The following NUDCD3 variants were observed in gnomAD, a reference collection of about 807,000 sequenced individuals.
The protein encoded by NUDCD3 is nudC domain-containing protein 3.
In NUDCD3, 13 loss-of-function variants were observed where a neutral mutation model predicts 39.7. The ratio of observed to expected loss-of-function variants is 0.33; its 90% CI spans 0.21 to 0.52. The LOEUF (loss-of-function observed/expected upper bound fraction) is 0.52. Among genes scored for constraint, NUDCD3 ranks in the 20% least tolerant of loss-of-function variants. The pLI, the probability that NUDCD3 is intolerant of heterozygous loss-of-function variation, is 0.96. For synonymous variants in NUDCD3, 175 were observed against 172.4 expected, an observed-to-expected ratio of 1.02 and a Z score of -0.12; for missense variants, 453 against 458.1, an observed-to-expected ratio of 0.99 and a Z score of 0.10.
intron 4 of NUDCD3, among the ~76,000 whole-genome samples, chr7:44,400,667 T>C (rs1487322845): frequency 6.6e-6 from 1 of 152,198 alleles, no homozygotes; most frequent in Non-Finnish European, 1.5e-5. Flanking sequence ...AGTAGGGCCA[T>C]GCTCCTGCAG....
intron 2 of NUDCD3, chr7:44,468,194 G>T (rs372669205): frequency 6.2e-7 from 1 of 1,600,604 alleles, no homozygotes; most frequent in Admixed American, 1.7e-5. Flanking sequence ...TGCCGAGATC[G>T]CTCACAATGT....
rs1798313600 is a variant in NUDCD3 at position 44,382,012 on chromosome 7, C to T, written c.*3999G>A. On this transcript the variant is annotated 3_prime_UTR_variant, in exon 6 of 6. Coordinates refer to ENST00000355451, the MANE Select transcript of NUDCD3 (RefSeq NM_015332.4). ...GGGTAGCCGGGCCTGACCTCTCTTCCCTGGCACGATGCTGTCTCCCTGTGC... is the reference window on the plus strand; with the variant it reads ...GGGTAGCCGGGCCTGACCTCTCTTCTCTGGCACGATGCTGTCTCCCTGTGC... The T allele has an allele frequency of 6.6e-6, 1 of 152,202 alleles. No individual in the cohort carries two copies. The highest frequency in any genetic ancestry group is 2.1e-4 in the South Asian group (1 of 4,826). The allele number at this position is 152,202 out of a possible 1,614,324, so 9.4% of individuals were successfully genotyped here.
At chr7:44,407,579 A>C (rs1370871664) in intron 3 of NUDCD3, among the ~76,000 whole-genome samples, 3 of 151,552 alleles carry the variant, frequency 2.0e-5, no homozygotes, top group Non-Finnish European at 4.4e-5. Context: ...AAAAAAAAAA[A>C]AAAAAAACTA....
chr7:44,390,886 G>T (rs1798502062), intron 5 of NUDCD3, among the ~76,000 whole-genome samples: 1 of 152,170 alleles, frequency 6.6e-6, no homozygotes, highest in African/African-American at 2.4e-5. Flanking sequence ...GAGCTCAGCT[G>T]AGCAGGTGCT....
At chr7:44,480,622 A>G (rs1478823292) in intron 2 of NUDCD3, among the ~76,000 whole-genome samples, 1 of 152,182 alleles carries the variant, frequency 6.6e-6, no homozygotes, top group South Asian at 2.1e-4. Flanking sequence ...AATATTTACC[A>G]AAATATTTGC....
intron 4 of NUDCD3, among the ~76,000 whole-genome samples, chr7:44,401,363 T>C (rs1033857180): frequency 2.6e-5 from 4 of 152,226 alleles, no homozygotes; most frequent in African/African-American, 9.6e-5. Context: ...AATAATTATA[T>C]CAAGAAGACA....
intron 2 of NUDCD3, among the ~76,000 whole-genome samples, chr7:44,469,837 T>C (rs78629889): frequency 7.5e-6 from 1 of 134,020 alleles, no homozygotes; most frequent in Non-Finnish European, 1.6e-5. Context: ...AAAAAAAAAA[T>C]GGCAATGAAG....
intron 2 of NUDCD3, chr7:44,468,348 G>GAAAAAAA: frequency 6.5e-6 from 2 of 305,496 alleles, no homozygotes; most frequent in Non-Finnish European, 9.4e-6. Context: ...TGTAAAAACT[G>GAAAAAAA]CAAAAAAAAA....
At chr7:44,466,615 G>A (rs1403832345) in intron 2 of NUDCD3, among the ~76,000 whole-genome samples, 1 of 152,162 alleles carries the variant, frequency 6.6e-6, no homozygotes, top group Non-Finnish European at 1.5e-5. Flanking sequence ...CAAAAGGTCT[G>A]GAAGTTTGTT....
At position 44,386,029 on chromosome 7, in the gene NUDCD3, C is replaced by T. The variant is rs367769690; in HGVS notation, c.1068G>A (p.Pro356=). ...RFDPAMFNIS[P]GAVQF ...CTGGTCATTAAAACTGCACAGCCCC[C>T]GGGGAGATGTTGAACATGGCAGGGT... The change falls in exon 6 of 6, where the codon CCG becomes CCA. Residue 356 remains proline, a synonymous_variant. Transcript: ENST00000355451. 2.7e-5 allele frequency: 42 copies of T among 1,547,168 alleles called. No homozygotes were observed. The highest frequency in any genetic ancestry group is 7.8e-5 in the South Asian group (7 of 89,770).
intron 3 of NUDCD3, chr7:44,426,182 G>T: frequency 4.1e-6 from 4 of 985,244 alleles, no homozygotes; most frequent in Non-Finnish European, 4.8e-6. Context: ...GGGTGACCGG[G>T]TGTTTGTAGC....
intron 2 of NUDCD3, among the ~76,000 whole-genome samples, chr7:44,475,096 C>T (rs1800336977): frequency 6.6e-6 from 1 of 151,420 alleles, no homozygotes; most frequent in African/African-American, 2.4e-5. Flanking sequence ...CAACAGTGTA[C>T]ATCACAAATT....
intron 2 of NUDCD3, among the ~76,000 whole-genome samples, chr7:44,478,388 TA>T (rs920616866): frequency 1.3e-5 from 2 of 151,912 alleles, no homozygotes; most frequent in Admixed American, 1.3e-4. Context: ...CTGTCTCTAC[TA>T]AAAAAATACA....
chr7:44,411,852 T>C (rs1189822470), intron 3 of NUDCD3, among the ~76,000 whole-genome samples: 1 of 152,158 alleles, frequency 6.6e-6, no homozygotes, highest in Non-Finnish European at 1.5e-5. Flanking sequence ...CATATGTCCA[T>C]GTATGGGTGG....
intron 5 of NUDCD3, among the ~76,000 whole-genome samples, chr7:44,388,830 C>T (rs1585047506): frequency 6.6e-6 from 1 of 152,366 alleles, no homozygotes; most frequent in Non-Finnish European, 1.5e-5. Context: ...GGGAGGGACA[C>T]ACATCCTCTC....
chr7:44,385,859 G>A lies in NUDCD3; in HGVS notation c.*152C>T, dbSNP rs1798391899. 1.6e-6 allele frequency: 1 copy of A among 612,944 alleles called. No individual in the cohort carries two copies. The highest frequency in any genetic ancestry group is 2.9e-6 in the Non-Finnish European group (1 of 340,028). The allele number at this position is 612,944 out of a possible 1,614,324, so 38.0% of individuals were successfully genotyped here. ...TCTCTGGAACAGTCTGGAGATGCAAGGTCAGGGTGGAAGGCCTGGTTCACC... is the reference window on the plus strand; with the variant it reads ...TCTCTGGAACAGTCTGGAGATGCAAAGTCAGGGTGGAAGGCCTGGTTCACC... On this transcript the variant is annotated 3_prime_UTR_variant, in exon 6 of 6. Coordinates refer to ENST00000355451, the MANE Select transcript of NUDCD3 (RefSeq NM_015332.4).
At chr7:44,412,653 C>A (rs895731794) in intron 3 of NUDCD3, among the ~76,000 whole-genome samples, 1 of 152,122 alleles carries the variant, frequency 6.6e-6, no homozygotes, top group Non-Finnish European at 1.5e-5. Flanking sequence ...CAGGGCCGGG[C>A]GCAGTGGCTC....
intron 2 of NUDCD3, among the ~76,000 whole-genome samples, chr7:44,477,934 T>C (rs1800410255): frequency 6.6e-6 from 1 of 150,840 alleles, no homozygotes; most frequent in Non-Finnish European, 1.5e-5. Flanking sequence ...CCCGGGTTCA[T>C]GCAATTCTGC....
chr7:44,470,844 C>T (rs1800240316), intron 2 of NUDCD3, among the ~76,000 whole-genome samples: 1 of 152,214 alleles, frequency 6.6e-6, no homozygotes, highest in South Asian at 2.1e-4. Flanking sequence ...GTTCAAACTA[C>T]TACCAAGTTC....
Sources: allele counts gnomAD v4.1 joint callset (sites outside exome capture counted in the v4.1 genomes callset), GRCh38; gene constraint gnomAD v4.1.1; transcripts MANE v1.5; gene names NCBI Gene and HGNC (gene_info 2026-07-23, HGNC 2026-07-21).